Variants in SLC25A13 observed in about 807,000 individuals in gnomAD.
The protein encoded by SLC25A13 is electrogenic aspartate/glutamate antiporter SLC25A13, mitochondrial.
SLC25A13 carries 70 observed loss-of-function variants against 85.5 expected under a neutral mutation model. The ratio of observed to expected loss-of-function variants is 0.82; its 90% confidence interval spans 0.68 to 1.00. The LOEUF (loss-of-function observed/expected upper bound fraction) is 1.00. Ranked by LOEUF, SLC25A13 falls within the 50% of genes least tolerant of loss-of-function variation. The pLI, the probability that SLC25A13 is intolerant of heterozygous loss-of-function variation, is 0.00. For synonymous variants in SLC25A13, 259 were observed against 288.7 expected, an observed-to-expected ratio of 0.90 and a Z score of 1.04; for missense variants, 765 against 819.8, an observed-to-expected ratio of 0.93 and a Z score of 0.82.
chr7:96,283,653 A>C, intron 2 of SLC25A13: 1 of 293,912 alleles, frequency 3.4e-6, no homozygotes, highest in East Asian at 1.0e-4. Flanking sequence ...AAGCACTCTA[A>C]GAGCTGAGAT....
chr7:96,303,674 T>A (rs1799636519), intron 1 of SLC25A13, among the ~76,000 whole-genome samples: 1 of 152,218 alleles, frequency 6.6e-6, no homozygotes, highest in Non-Finnish European at 1.5e-5. Flanking sequence ...CACCTTCTGC[T>A]GTTTCTGCCA....
At chr7:96,262,200 T>C (rs1016313233) in intron 3 of SLC25A13, among the ~76,000 whole-genome samples, 1 of 152,204 alleles carries the variant, frequency 6.6e-6, no homozygotes, top group African/African-American at 2.4e-5. Context: ...GAAACAGAGC[T>C]TACATTTGAT....
intron 4 of SLC25A13, among the ~76,000 whole-genome samples, chr7:96,229,463 C>T (rs1431345999): frequency 6.6e-6 from 1 of 152,124 alleles, no homozygotes; most frequent in Non-Finnish European, 1.5e-5. Flanking sequence ...GGAATAAAAG[C>T]AGGCTGCCCG....
intron 5 of SLC25A13, among the ~76,000 whole-genome samples, chr7:96,195,032 A>G (rs1795007421): frequency 6.6e-6 from 1 of 152,120 alleles, no homozygotes; most frequent in African/African-American, 2.4e-5. Context: ...ACTCTCCTAG[A>G]CAGAGTGCTC....
chr7:96,172,828 G>T (rs1452442507), intron 11 of SLC25A13, among the ~76,000 whole-genome samples: 5 of 151,860 alleles, frequency 3.3e-5, no homozygotes, highest in Admixed American at 3.3e-4. Context: ...GCGCGATCTC[G>T]GCTCACTGCC....
chr7:96,204,248 A>T (rs1795373557), intron 5 of SLC25A13, among the ~76,000 whole-genome samples: 1 of 152,250 alleles, frequency 6.6e-6, no homozygotes, highest in Non-Finnish European at 1.5e-5. Flanking sequence ...AATTATAAAC[A>T]TTATACAGAT....
intron 3 of SLC25A13, among the ~76,000 whole-genome samples, chr7:96,273,112 G>A (rs1798310143): frequency 6.6e-6 from 1 of 152,164 alleles, no homozygotes. Context: ...GGGTAGTATA[G>A]AATAGCTCCT....
intron 1 of SLC25A13, among the ~76,000 whole-genome samples, chr7:96,319,254 A>G (rs921115204): frequency 6.6e-6 from 1 of 152,168 alleles, no homozygotes; most frequent in South Asian, 2.1e-4. Flanking sequence ...ACAGCATATA[A>G]AAGAAACTGC....
chr7:96,312,649 T>C (rs1359290848), intron 1 of SLC25A13, among the ~76,000 whole-genome samples: 1 of 152,154 alleles, frequency 6.6e-6, no homozygotes, highest in Non-Finnish European at 1.5e-5. Context: ...CGTCGTCACT[T>C]ATGCCCTTGA....
At chr7:96,124,704 G>A (rs1042197419) in intron 15 of SLC25A13, among the ~76,000 whole-genome samples, 5 of 152,160 alleles carry the variant, frequency 3.3e-5, no homozygotes, top group African/African-American at 1.2e-4. Context: ...ATCTTAAAGT[G>A]TTTGTTATTA....
At chr7:96,228,570 C>A (rs758728028) in intron 4 of SLC25A13, among the ~76,000 whole-genome samples, 1 of 152,224 alleles carries the variant, frequency 6.6e-6, no homozygotes, top group Admixed American at 6.5e-5. Flanking sequence ...AGTCCTCGCT[C>A]GCTCTAGGCG....
intron 4 of SLC25A13, among the ~76,000 whole-genome samples, chr7:96,231,437 G>A (rs113022780): frequency 0.011 from 1,616 of 152,090 alleles, 28 homozygotes; most frequent in African/African-American, 0.037. Context: ...TAAAAAGTGG[G>A]GGAAAGGCCA....
At chr7:96,136,653 G>C (rs1031383374) in intron 14 of SLC25A13, among the ~76,000 whole-genome samples, 1 of 152,164 alleles carries the variant, frequency 6.6e-6, no homozygotes. Flanking sequence ...GCCAGGGCAG[G>C]TCTTTTTGCA....
intron 13 of SLC25A13, chr7:96,166,780 C>T (rs1355354686): frequency 6.6e-6 from 1 of 152,080 alleles, no homozygotes; most frequent in Non-Finnish European, 1.5e-5. Flanking sequence ...CTGGAAGTGG[C>T]TAGTGGTAAC....
At chr7:96,183,033 A>T (rs992275747) in intron 11 of SLC25A13, among the ~76,000 whole-genome samples, 2 of 152,188 alleles carry the variant, frequency 1.3e-5, no homozygotes, top group African/African-American at 4.8e-5. Flanking sequence ...TTTCATTTGC[A>T]AAGTTGTTGC....
intron 13 of SLC25A13, among the ~76,000 whole-genome samples, chr7:96,149,138 T>C (rs1049679381): frequency 2.6e-5 from 4 of 152,246 alleles, no homozygotes; most frequent in African/African-American, 9.6e-5. Context: ...TGAGAATCCC[T>C]GCACTACACC....
At chr7:96,170,272 T>C in intron 12 of SLC25A13, 147 bp from the exon 13 acceptor site, 1 of 739,056 alleles carries the variant, frequency 1.4e-6, no homozygotes, top group Non-Finnish European at 2.3e-6. Flanking sequence ...GATCTTAAAA[T>C]AGTTTGAGAA....
intron 14 of SLC25A13, 147 bp downstream of exon 14, chr7:96,146,409 G>T: frequency 2.1e-6 from 2 of 950,546 alleles, no homozygotes; most frequent in Non-Finnish European, 3.2e-6. Context: ...CCTTCTAATT[G>T]GCATGAAGGT....
chr7:96,190,840 T>C (rs1432457313), intron 7 of SLC25A13, among the ~76,000 whole-genome samples: 2 of 152,054 alleles, frequency 1.3e-5, no homozygotes, highest in Non-Finnish European at 2.9e-5. Flanking sequence ...CTCGAACTCC[T>C]GATCTCAGGT....
Sources: gnomAD v4.1 joint callset for allele counts (sites outside exome capture counted in the v4.1 genomes callset) on GRCh38, gnomAD v4.1.1 for gene constraint, MANE v1.5 for transcripts, NCBI Gene and HGNC (gene_info 2026-07-23, HGNC 2026-07-21) for gene names.